Variants in ERCC4 observed in about 807,000 individuals in gnomAD.
ERCC4 encodes the protein DNA repair endonuclease XPF.
In ERCC4, 65 loss-of-function variants were observed where a neutral mutation model predicts 76.9. The observed-to-expected ratio is 0.84, with a 90% CI of 0.69 to 1.04. ERCC4 has a LOEUF of 1.04. Ranked by LOEUF, ERCC4 falls within the 50% of genes least tolerant of loss-of-function variation. The pLI, the probability that ERCC4 is intolerant of heterozygous loss-of-function variation, is 0.00. For synonymous variants in ERCC4, 463 were observed against 410.1 expected (o/e 1.13, Z -1.56); for missense variants, 1,214 against 1,128.2 (o/e 1.08, Z -1.09).
At chr16:13,925,358 A>T (rs921638118) in intron 2 of ERCC4, among the ~76,000 whole-genome samples, 5 of 152,222 alleles carry the variant, frequency 3.3e-5, no homozygotes, top group Admixed American at 6.5e-5. Context: ...GGCCTCTTAG[A>T]GTCCTTGGGA....
At chr16:13,930,583 G>A in intron 4 of ERCC4, 127 bp from the exon 5 acceptor site, 1 of 694,274 alleles carries the variant, frequency 1.4e-6, no homozygotes, top group East Asian at 2.7e-5. Flanking sequence ...AAATATATAT[G>A]ACATAAAATT....
chr16:13,934,466 A>T (rs2032243785), intron 7 of ERCC4, 164 bp downstream of exon 7: 2 of 620,460 alleles, frequency 3.2e-6, no homozygotes, highest in Non-Finnish European at 5.7e-6. Flanking sequence ...AGACAAATAA[A>T]TGGCAAATGA....
intron 9 of ERCC4, among the ~76,000 whole-genome samples, chr16:13,942,929 A>C (rs946429765): frequency 3.9e-5 from 6 of 152,224 alleles, no homozygotes; most frequent in Non-Finnish European, 7.3e-5. Context: ...AGTGCAATAG[A>C]GAGAATGGAG....
chr16:13,926,807 T>A (rs1360271514), intron 3 of ERCC4, 51 bp downstream of exon 3: 22 of 1,383,900 alleles, frequency 1.6e-5, no homozygotes, highest in Non-Finnish European at 2.0e-5. Flanking sequence ...TCATCTTTGT[T>A]TGTGAGATCT....
chr16:13,944,583 A>G, intron 9 of ERCC4, 140 bp from the exon 10 acceptor site: 1 of 682,176 alleles, frequency 1.5e-6, no homozygotes, highest in Non-Finnish European at 2.7e-6. Flanking sequence ...ATTTACTTCT[A>G]ATATATTCCT....
chr16:13,942,395 A>G (rs1330875989), intron 9 of ERCC4, among the ~76,000 whole-genome samples: 4 of 152,228 alleles, frequency 2.6e-5, no homozygotes, highest in African/African-American at 4.8e-5. Context: ...GTAGCTATTA[A>G]TGGAAACAAT....
rs112419956 is a variant in ERCC4, at chr16:13,920,204, G to C, written c.39G>C (p.Ala13=). The change falls in exon 1 of 11, where the codon GCG becomes GCC. Residue 13 remains alanine (A), a synonymous_variant. Transcript: ENST00000311895. Reference sequence around the variant, plus strand: ...AGCCGGCTCGACGGATTGCCATGGCGCCGCTGCTGGAGTACGAGCGACAGC... The same window carrying C: ...AGCCGGCTCGACGGATTGCCATGGCCCCGCTGCTGGAGTACGAGCGACAGC... The part of the protein sequence containing the change: ...SGQPARRIAM[A]PLLEYERQLV... 2.5e-6 allele frequency: 4 copies of C among 1,607,232 alleles called. No individual in the cohort carries two copies. The highest frequency in any genetic ancestry group is 2.5e-6 in the Non-Finnish European group (3 of 1,179,912).
intron 3 of ERCC4, 102 bp from the exon 4 acceptor site, chr16:13,927,926 G>C: frequency 1.2e-6 from 1 of 801,396 alleles, no homozygotes; most frequent in South Asian, 1.4e-5. Context: ...TTTGCTTTTC[G>C]TGTTGTTTGT....
In ERCC4 at chr16:13,947,910, C is replaced by T. The variant is rs150920741; in HGVS notation, c.2314C>T (p.Arg772Ter). 24 of 1,614,026 alleles carry T rather than the reference C, an allele frequency of 1.5e-5. No individual in the cohort carries two copies. The highest frequency in any genetic ancestry group is 1.6e-4 in the Middle Eastern group (1 of 6,084). ...DPSKPFSLTS[R>*]GALFQEISSN... ...TAGCAAGCCTTTCTCTCTCACTTCC[C>T]GAGGTGCCTTGTTTCAGGAGATCTC... Residue 772 changes from arginine (R) to a stop codon, truncating the protein, a stop_gained, in exon 11 of 11, where the codon CGA becomes TGA. Transcript: ENST00000311895. LOFTEE classifies it high-confidence loss of function.
Position 13,922,130 on chromosome 16 carries a change from C to T in ERCC4, c.307C>T (p.Gln103Ter). The change falls in exon 2 of 11, where the codon CAA becomes TAA. Residue 103 changes from glutamine (Q) to a stop codon, truncating the protein, a stop_gained. Coordinates refer to ENST00000311895, the MANE Select transcript of ERCC4 (RefSeq NM_005236.3). LOFTEE classifies it high-confidence loss of function. ...TSNSRYEVYT[Q>*]GGVIFATSRI... is the part of the protein sequence containing the mutation. The stretch of plus-strand genomic sequence containing the variant: ...CAACAGTCGCTATGAAGTTTACACA[C>T]AAGGTGGTGTTATATTTGCGACAAG... 1 of 1,613,170 alleles carries T rather than the reference C, an allele frequency of 6.2e-7. No individual in the cohort carries two copies. Among genetic ancestry groups the T allele is most frequent in the Admixed American group, 1.7e-5 (1 of 60,022 alleles).
intron 2 of ERCC4, chr16:13,922,428 G>A (rs147635799): frequency 6.6e-6 from 5 of 760,290 alleles, no homozygotes; most frequent in Non-Finnish European, 1.2e-5. Flanking sequence ...ATCGATTCCT[G>A]ACTACTTTGT....
Position 13,932,259 on chromosome 16 carries a change from A to T in ERCC4, c.1076A>T (p.Glu359Val), listed in dbSNP as rs2032187298. The change falls in exon 6 of 11, where the codon GAA becomes GTA. Residue 359 changes from glutamate (E) to valine (V), a missense_variant. Transcript: ENST00000311895. ...ATGAGTAAAAAAGAAAAAATATCTG[A>T]AAAAATGGAAATTAAAGAAGGGGAA... The part of the protein sequence containing the change: ...AKMSKKEKIS[E>V]KMEIKEGEET... 3 of 1,610,576 alleles carry T rather than the reference A, an allele frequency of 1.9e-6. No individual in the cohort carries two copies. Among genetic ancestry groups the T allele is most frequent in the Non-Finnish European group, 2.5e-6 (3 of 1,177,396 alleles).
rs1380418717 is a variant in ERCC4 at position 13,932,290 on chromosome 16, C to T, written c.1102+5C>T. On this transcript the variant is annotated splice_donor_5th_base_variant and intron_variant, in intron 6 of 10. Coordinates refer to ENST00000311895, the MANE Select transcript of ERCC4 (RefSeq NM_005236.3). ...TGGAAATTAAAGAAGGGGAAGGTAT[C>T]TTGTGGGGTTAAGTCTTTAAATGTG... 2 of 1,608,190 alleles carry T rather than the reference C, an allele frequency of 1.2e-6. No homozygotes were observed. Among genetic ancestry groups the T allele is most frequent in the Non-Finnish European group, 1.7e-6 (2 of 1,175,714 alleles).
intron 9 of ERCC4, among the ~76,000 whole-genome samples, chr16:13,940,382 G>T (rs3136183): frequency 6.7e-6 from 1 of 149,086 alleles, no homozygotes; most frequent in Non-Finnish European, 1.5e-5. Context: ...AGTGACCCCC[G>T]TCTCAAAAAA....
rs550225655 is a variant in ERCC4 at position 13,948,612 on chromosome 16, G to C, written c.*265G>C. 4.2e-6 allele frequency: 2 copies of C among 474,656 alleles called. No homozygotes were observed. Among genetic ancestry groups the C allele is most frequent in the Non-Finnish European group, 7.7e-6 (2 of 260,328 alleles). 29.4% of individuals were successfully genotyped at this position (474,656 alleles called of 1,614,324 possible). On this transcript the variant is annotated 3_prime_UTR_variant, in exon 11 of 11. Transcript: ENST00000311895. Reference sequence around the variant, plus strand: ...TTTTAAATGAGGTTTGTCAGGATCAGGTAAAGTTCCTACAAGTGATTACAG... The same window carrying C: ...TTTTAAATGAGGTTTGTCAGGATCACGTAAAGTTCCTACAAGTGATTACAG...
chr16:13,931,849 G>T, intron 5 of ERCC4: 2 of 307,528 alleles, frequency 6.5e-6, no homozygotes, highest in Non-Finnish European at 1.2e-5. Context: ...AAAATAACTT[G>T]CTTTTACGCC....
chr16:13,930,927 G>A (rs372718731), intron 5 of ERCC4, 37 bp downstream of exon 5: 4 of 1,425,808 alleles, frequency 2.8e-6, no homozygotes, highest in Non-Finnish European at 9.9e-7. Context: ...TCTAAGAGCT[G>A]ATTTGAATAA....
chr16:13,922,241 G>T, intron 2 of ERCC4, 30 bp downstream of exon 2: 2 of 1,396,968 alleles, frequency 1.4e-6, no homozygotes, highest in Non-Finnish European at 2.0e-6. Context: ...TTATTAGTAT[G>T]TAAATTTGTA....
chr16:13,933,496 G>C (rs1302695747), intron 6 of ERCC4: 1 of 152,780 alleles, frequency 6.5e-6, no homozygotes, highest in Admixed American at 6.5e-5. Flanking sequence ...ATCACCTGAG[G>C]TCAGGAGTTC....
Sources: gnomAD v4.1 joint callset for allele counts (sites outside exome capture counted in the v4.1 genomes callset) on GRCh38, gnomAD v4.1.1 for gene constraint, MANE v1.5 for transcripts, NCBI Gene and HGNC (gene_info 2026-07-23, HGNC 2026-07-21) for gene names.